The following ATF7 variants were observed in gnomAD, a reference collection of about 807,000 sequenced individuals.
The protein encoded by ATF7 is activating transcription factor 7, also known as cyclic AMP-dependent transcription factor ATF-7.
Under a neutral mutation model 50.4 loss-of-function variants are expected in ATF7, and 10 were observed. The ratio of observed to expected loss-of-function variants is 0.20; its 90% confidence interval spans 0.12 to 0.34. The LOEUF (loss-of-function observed/expected upper bound fraction) is 0.34, where lower values mean the gene tolerates loss of function less well. Among genes scored for constraint, ATF7 ranks in the 10% least tolerant of loss-of-function variants. ATF7 has a pLI of 1.00. For missense variants in ATF7, 465 were observed against 613.9 expected, an observed-to-expected ratio of 0.76 and a Z score of 2.56; for synonymous variants, 201 against 226.4, an observed-to-expected ratio of 0.89 and a Z score of 1.01.
intron 2 of ATF7, among the ~76,000 whole-genome samples, chr12:53,583,646 CT>C (rs1311221552): frequency 2.6e-5 from 4 of 152,042 alleles, no homozygotes; most frequent in African/African-American, 9.7e-5. Context: ...ATGGCGATGA[CT>C]TTTTAAATAC....
chr12:53,556,856 A>T (rs938899164), intron 2 of ATF7, among the ~76,000 whole-genome samples: 2 of 152,202 alleles, frequency 1.3e-5, no homozygotes, highest in African/African-American at 4.8e-5. Context: ...TAGATTAGTC[A>T]TAAACTTCAT....
intron 11 of ATF7, chr12:53,522,692 C>G (rs931725234): frequency 6.6e-6 from 1 of 152,516 alleles, no homozygotes; most frequent in East Asian, 1.9e-4. Context: ...TTGGTGAAAC[C>G]CCGTCTTTAC....
chr12:53,565,917 T>C (rs1390369700), intron 2 of ATF7, among the ~76,000 whole-genome samples: 1 of 152,212 alleles, frequency 6.6e-6, no homozygotes, highest in Non-Finnish European at 1.5e-5. Context: ...AGAGGTTTTA[T>C]GGACTCACAG....
At chr12:53,528,909 G>A (rs1489578817) in intron 9 of ATF7, among the ~76,000 whole-genome samples, 3 of 152,124 alleles carry the variant, frequency 2.0e-5, no homozygotes, top group East Asian at 1.9e-4. Flanking sequence ...CAAGAGAAAC[G>A]GGAAGAACGA....
chr12:53,615,987 A>G (rs1944101359), intron 1 of ATF7, among the ~76,000 whole-genome samples: 1 of 152,172 alleles, frequency 6.6e-6, no homozygotes, highest in Non-Finnish European at 1.5e-5. Flanking sequence ...TTCTTACTGC[A>G]TGGTAATTTT....
chr12:53,521,811 C>G (rs1051498351), intron 11 of ATF7, among the ~76,000 whole-genome samples: 5 of 152,118 alleles, frequency 3.3e-5, no homozygotes, highest in African/African-American at 7.2e-5. Flanking sequence ...GTGACTGGCA[C>G]AGAATAGACA....
At chr12:53,622,492 C>A (rs572910189) in intron 1 of ATF7, among the ~76,000 whole-genome samples, 2 of 151,604 alleles carry the variant, frequency 1.3e-5, no homozygotes, top group South Asian at 2.1e-4. Context: ...TGGTGGCGGG[C>A]GCCTGCTAGT....
chr12:53,548,691 C>G (rs894887920), intron 3 of ATF7, among the ~76,000 whole-genome samples: 2 of 152,104 alleles, frequency 1.3e-5, no homozygotes, highest in African/African-American at 2.4e-5. Flanking sequence ...TCATAGTGTA[C>G]AAAAATAAGT....
chr12:53,542,272 A>G (rs1213083189), intron 4 of ATF7, among the ~76,000 whole-genome samples: 1 of 151,720 alleles, frequency 6.6e-6, no homozygotes, highest in Non-Finnish European at 1.5e-5. Flanking sequence ...AAACATAAAA[A>G]AAAAATTAGC....
At chr12:53,562,354 TG>T (rs1941177665) in intron 2 of ATF7, among the ~76,000 whole-genome samples, 1 of 152,172 alleles carries the variant, frequency 6.6e-6, no homozygotes, top group South Asian at 2.1e-4. Flanking sequence ...CTTTTGCCCA[TG>T]TAGGCCGGGC....
At chr12:53,525,271 T>G (rs1342027442) in intron 9 of ATF7, among the ~76,000 whole-genome samples, 7 of 152,180 alleles carry the variant, frequency 4.6e-5, no homozygotes, top group Non-Finnish European at 8.8e-5. Flanking sequence ...GAGAATTGCT[T>G]GAGTCCAGGA....
rs1592768504 is a variant in ATF7, at chr12:53,519,044, A to G, written c.1235-1690T>C. On this transcript the variant is annotated intron_variant, in intron 11 of 11. Coordinates refer to ENST00000420353, the MANE Select transcript of ATF7 (RefSeq NM_006856.3). ...ACTCCAGCCTGGGCAACAGAGCGAG[A>G]CTCCGTCTCAAAAAAAAAAAAAAAA... Among the ~76,000 whole-genome samples the G allele has an allele frequency of 3.5e-5, 5 of 143,454 alleles. No homozygotes were observed. In the South Asian group the frequency reaches 8.8e-4, roughly 25 times the overall value. 94.1% of individuals were successfully genotyped at this position (143,454 alleles called of 152,430 possible).
chr12:53,571,267 T>C (rs979642147), intron 2 of ATF7, among the ~76,000 whole-genome samples: 2 of 152,174 alleles, frequency 1.3e-5, no homozygotes, highest in African/African-American at 4.8e-5. Context: ...CTCTTTAATA[T>C]CTTGGTGGGC....
chr12:53,617,143 C>A (rs537289807), intron 1 of ATF7, among the ~76,000 whole-genome samples: 1 of 152,046 alleles, frequency 6.6e-6, no homozygotes, highest in African/African-American at 2.4e-5. Context: ...CCGCTTCAGC[C>A]TCCCAAGTAG....
At chr12:53,529,734 C>CACACACACACACACACACACACACACAT (rs1298379846) in intron 9 of ATF7, among the ~76,000 whole-genome samples, 3 of 143,526 alleles carry the variant, frequency 2.1e-5, no homozygotes, top group Non-Finnish European at 3.0e-5. Context: ...CACACACACA[C>CACACACACACACACACACACACACACAT]ATATATATAT....
intron 2 of ATF7, among the ~76,000 whole-genome samples, chr12:53,576,365 C>A (rs937184556): frequency 6.6e-6 from 1 of 152,182 alleles, no homozygotes; most frequent in African/African-American, 2.4e-5. Context: ...ATGGTTTGAA[C>A]AATGTTGTCC....
At chr12:53,562,801 A>G (rs1382466099) in intron 2 of ATF7, among the ~76,000 whole-genome samples, 3 of 152,288 alleles carry the variant, frequency 2.0e-5, no homozygotes, top group South Asian at 4.2e-4. Context: ...AGGATGCAAG[A>G]AGATCAGAGT....
At chr12:53,556,352 G>T (rs112174155) in intron 2 of ATF7, among the ~76,000 whole-genome samples, 1 of 152,238 alleles carries the variant, frequency 6.6e-6, no homozygotes, top group African/African-American at 2.4e-5. Flanking sequence ...ACATTGGGAT[G>T]CCGAGGCAGG....
chr12:53,603,142 T>C (rs1009214473), intron 1 of ATF7, among the ~76,000 whole-genome samples: 1 of 152,344 alleles, frequency 6.6e-6, no homozygotes, highest in African/African-American at 2.4e-5. Flanking sequence ...TTGATTCTGT[T>C]ATTTGATGCT....
Sources: allele counts gnomAD v4.1 joint callset (sites outside exome capture counted in the v4.1 genomes callset), GRCh38; gene constraint gnomAD v4.1.1; transcripts MANE v1.5; gene names NCBI Gene and HGNC (gene_info 2026-07-23, HGNC 2026-07-21).